SYNPR: variants seen among roughly 807,000 people sequenced by gnomAD.
SYNPR encodes synaptoporin.
In SYNPR, 23 loss-of-function variants were observed where a neutral mutation model predicts 32.9. The observed-to-expected ratio is 0.70, with a 90% CI of 0.50 to 0.99. The LOEUF is 0.99. SYNPR is among the 50% of genes least tolerant of loss of function. The probability of loss-of-function intolerance (pLI) is 0.00; values close to 1 mark genes in which losing one functional copy is unlikely to be tolerated. For missense variants in SYNPR, 318 were observed against 349.3 expected (o/e 0.91, Z 0.71); for synonymous variants, 146 against 135.9 (o/e 1.07, Z -0.52).
chr3:63,234,192 CAAAG>C (rs1390430315), intron 1 of SYNPR, among the ~76,000 whole-genome samples: 2 of 152,072 alleles, frequency 1.3e-5, no homozygotes, highest in Admixed American at 6.6e-5. Context: ...TGGCAGCAGA[CAAAG>C]AGAGAGAGCT....
chr3:63,267,624 G>C (rs1263079296), intron 3 of SYNPR, among the ~76,000 whole-genome samples: 1 of 152,166 alleles, frequency 6.6e-6, no homozygotes, highest in East Asian at 1.9e-4. Context: ...GACAGGAAGA[G>C]ACACCAGGAG....
intron 1 of SYNPR, among the ~76,000 whole-genome samples, chr3:63,245,465 G>A (rs2086276639): frequency 6.6e-6 from 1 of 151,784 alleles, no homozygotes; most frequent in Admixed American, 6.6e-5. Flanking sequence ...GGCATTTTTG[G>A]TGATAGAAAA....
chr3:63,476,328 A>G (rs1250561834), intron 2 of SYNPR, among the ~76,000 whole-genome samples: 259 of 84,794 alleles, frequency 3.1e-3, no homozygotes, highest in Non-Finnish European at 4.4e-3. Context: ...AAGCAAGGGA[A>G]GGAAGGGAAG....
intron 4 of SYNPR, among the ~76,000 whole-genome samples, chr3:63,599,465 C>T (rs1412409778): frequency 6.6e-6 from 1 of 152,096 alleles, no homozygotes; most frequent in Non-Finnish European, 1.5e-5. Flanking sequence ...CATCATGTTA[C>T]AATTGCCTGC....
At chr3:63,506,927 C>A (rs1274205268) in intron 3 of SYNPR, among the ~76,000 whole-genome samples, 1 of 152,030 alleles carries the variant, frequency 6.6e-6, no homozygotes, top group African/African-American at 2.4e-5. Context: ...ACCAATAGTG[C>A]CATGCAAGTA....
chr3:63,406,519 T>C (rs2088362476), intron 2 of SYNPR, among the ~76,000 whole-genome samples: 1 of 152,034 alleles, frequency 6.6e-6, no homozygotes, highest in South Asian at 2.1e-4. Flanking sequence ...AGATTTTGCT[T>C]TATGTCCAAG....
At chr3:63,481,041 C>T (rs2106697531) in intron 3 of SYNPR, 85 bp downstream of exon 3, 1 of 1,519,590 alleles carries the variant, frequency 6.6e-7, no homozygotes, top group Non-Finnish European at 8.8e-7. Flanking sequence ...ATGCAGTCTT[C>T]CAGGGACTTC....
At chr3:63,514,867 G>T (rs896169030) in intron 3 of SYNPR, among the ~76,000 whole-genome samples, 2 of 152,032 alleles carry the variant, frequency 1.3e-5, no homozygotes, top group Non-Finnish European at 1.5e-5. Flanking sequence ...GGATCATGGG[G>T]CAGGAGCTTG....
chr3:63,566,503 T>C (rs888200802), intron 4 of SYNPR, among the ~76,000 whole-genome samples: 4 of 152,116 alleles, frequency 2.6e-5, no homozygotes, highest in African/African-American at 9.7e-5. Context: ...CCAGACCCTC[T>C]TACAGTCGCT....
At chr3:63,530,555 G>A (rs919251324) in intron 3 of SYNPR, among the ~76,000 whole-genome samples, 2 of 152,196 alleles carry the variant, frequency 1.3e-5, no homozygotes, top group Non-Finnish European at 2.9e-5. Flanking sequence ...TAGCAGATGG[G>A]AAGCATGCGT....
At chr3:63,396,100 G>A (rs764902798) in intron 2 of SYNPR, among the ~76,000 whole-genome samples, 4 of 152,118 alleles carry the variant, frequency 2.6e-5, no homozygotes, top group Non-Finnish European at 5.9e-5. Context: ...CAGCTACGAC[G>A]TGTTATAAAC....
intron 2 of SYNPR, among the ~76,000 whole-genome samples, chr3:63,284,284 T>A (rs2086660112): frequency 6.6e-6 from 1 of 152,204 alleles, no homozygotes; most frequent in East Asian, 1.9e-4. Flanking sequence ...CACATCCATG[T>A]TGTTCAGAAC....
chr3:63,284,786 G>A (rs1201626288), intron 2 of SYNPR, among the ~76,000 whole-genome samples: 1 of 152,164 alleles, frequency 6.6e-6, no homozygotes, highest in South Asian at 2.1e-4. Context: ...TTTTATAGTA[G>A]CCATCATTTT....
At chr3:63,575,572 T>C (rs1436681436) in intron 4 of SYNPR, among the ~76,000 whole-genome samples, 1 of 152,152 alleles carries the variant, frequency 6.6e-6, no homozygotes, top group South Asian at 2.1e-4. Flanking sequence ...GCTGGGATTG[T>C]GGGGAAAAGC....
At chr3:63,449,741 AG>A (rs1700344923) in intron 2 of SYNPR, among the ~76,000 whole-genome samples, 1 of 152,210 alleles carries the variant, frequency 6.6e-6, no homozygotes, top group Admixed American at 6.5e-5. Context: ...AAGACAAGTA[AG>A]GCATCTCTAA....
chr3:63,466,894 T>C (rs1008959601), intron 2 of SYNPR, among the ~76,000 whole-genome samples: 1 of 152,232 alleles, frequency 6.6e-6, no homozygotes. Context: ...GTTGGGACTT[T>C]GACATGCAAA....
chr3:63,482,411 T>C lies in SYNPR; in HGVS notation c.209+1455T>C, dbSNP rs73831835. Among the ~76,000 whole-genome samples, 632 of 152,242 alleles carry C rather than the reference T, an allele frequency of 4.2e-3. 7 individuals carry two copies. Among genetic ancestry groups the C allele is most frequent in the African/African-American group, 0.014 (602 of 41,528 alleles). On this transcript the variant is annotated intron_variant, in intron 3 of 5. Transcript: ENST00000478300. ...TTATCTCACTCAGAAGCTCCATGTA[T>C]AAAATAGACATGAGTCACTGAGAAA... is the stretch of plus-strand genomic sequence containing the variant.
chr3:63,226,767 G>A (rs72876373), upstream of SYNPR, among the ~76,000 whole-genome samples: 250 of 152,178 alleles, frequency 1.6e-3, no homozygotes, highest in African/African-American at 5.2e-3. Flanking sequence ...CAGTTAGATA[G>A]AAGAAATAAG....
At chr3:63,495,036 C>CCAGG (rs1340126042) in intron 3 of SYNPR, among the ~76,000 whole-genome samples, 1 of 152,092 alleles carries the variant, frequency 6.6e-6, no homozygotes, top group Non-Finnish European at 1.5e-5. Flanking sequence ...TTTCCTGAGT[C>CCAGG]CAGGAATAAA....
Sources: gnomAD v4.1 joint callset for allele counts (sites outside exome capture counted in the v4.1 genomes callset) on GRCh38, gnomAD v4.1.1 for gene constraint, MANE v1.5 for transcripts, NCBI Gene and HGNC (gene_info 2026-07-23, HGNC 2026-07-21) for gene names.